Variants in EFNA5 observed in about 807,000 individuals in gnomAD.
EFNA5 encodes the protein ephrin-A5.
EFNA5 carries 5 observed loss-of-function variants against 22.9 expected under a neutral mutation model. The ratio of observed to expected loss-of-function variants is 0.22; its 90% CI spans 0.11 to 0.46. EFNA5 has a LOEUF of 0.46. Ranked by LOEUF, EFNA5 falls within the 20% of genes least tolerant of loss-of-function variation. The pLI is 0.99. For synonymous variants in EFNA5, 113 were observed against 112.2 expected (o/e 1.01, Z -0.04); for missense variants, 237 against 293.3 (o/e 0.81, Z 1.40).
At chr5:107,384,768 A>ATTTTTTTTTTTTTTTTTTTTTTTTT in intron 4 of EFNA5, among the ~76,000 whole-genome samples, 1 of 92,814 alleles carries the variant, frequency 1.1e-5, no homozygotes, top group Non-Finnish European at 2.2e-5. Context: ...CACACACCAC[A>ATTTTTTTTTTTTTTTTTTTTTTTTT]TTTTTTTTTT....
chr5:107,538,897 C>G (rs1382086417), intron 1 of EFNA5, among the ~76,000 whole-genome samples: 1 of 152,174 alleles, frequency 6.6e-6, no homozygotes, highest in Non-Finnish European at 1.5e-5. Flanking sequence ...CAGCTTTTCT[C>G]TTTTGTCAAG....
At chr5:107,627,038 A>T (rs1750157128) in intron 1 of EFNA5, among the ~76,000 whole-genome samples, 1 of 152,204 alleles carries the variant, frequency 6.6e-6, no homozygotes, top group African/African-American at 2.4e-5. Context: ...CTTAACAGGA[A>T]CTGTTCATTA....
chr5:107,492,856 G>T lies in EFNA5; in HGVS notation c.126-65347C>A, dbSNP rs543606328. 2.9e-3 allele frequency among the ~76,000 whole-genome samples: 441 copies of T among 152,174 alleles called. 2 individuals carry two copies. Among genetic ancestry groups the T allele is most frequent in the African/African-American group, 8.7e-3 (362 of 41,516 alleles). On this transcript the variant is annotated intron_variant, in intron 1 of 4. Coordinates refer to ENST00000333274, the MANE Select transcript of EFNA5 (RefSeq NM_001962.3). Reference sequence around the variant, plus strand: ...TCTACTAAAAATACAAAAATTAGCAGAGTGTGGTGGCGGGCACCTGTAATC... The same window carrying T: ...TCTACTAAAAATACAAAAATTAGCATAGTGTGGTGGCGGGCACCTGTAATC...
At chr5:107,580,737 AAAAG>A (rs1561439444) in intron 1 of EFNA5, among the ~76,000 whole-genome samples, 1 of 144,146 alleles carries the variant, frequency 6.9e-6, no homozygotes. Flanking sequence ...AAAAAAAAAA[AAAAG>A]AAAAGAAAAG....
chr5:107,662,564 T>C (rs1309284037), intron 1 of EFNA5, among the ~76,000 whole-genome samples: 1 of 152,114 alleles, frequency 6.6e-6, no homozygotes, highest in Non-Finnish European at 1.5e-5. Flanking sequence ...TCAGTTGATA[T>C]ACTCTCATAA....
intron 1 of EFNA5, among the ~76,000 whole-genome samples, chr5:107,605,800 A>G (rs906468352): frequency 6.6e-6 from 1 of 152,184 alleles, no homozygotes; most frequent in East Asian, 1.9e-4. Context: ...CTTCCCTTCA[A>G]TATTGTCCTC....
chr5:107,413,249 T>C (rs1047582630), intron 2 of EFNA5, among the ~76,000 whole-genome samples: 3 of 152,190 alleles, frequency 2.0e-5, no homozygotes, highest in Admixed American at 1.3e-4. Context: ...ACTTATTTTC[T>C]AAGAATCAGG....
At chr5:107,618,666 G>C (rs2112526753) in intron 1 of EFNA5, among the ~76,000 whole-genome samples, 1 of 152,262 alleles carries the variant, frequency 6.6e-6, no homozygotes, top group African/African-American at 2.4e-5. Flanking sequence ...ACTTTTGTCT[G>C]CTATTTTGGA....
intron 1 of EFNA5, among the ~76,000 whole-genome samples, chr5:107,430,397 T>A (rs1374328700): frequency 6.6e-6 from 1 of 152,062 alleles, no homozygotes; most frequent in African/African-American, 2.4e-5. Context: ...AAGGGGGAAG[T>A]TTTTTCTTTC....
rs1747407184 is a variant in EFNA5 at position 107,380,373 on chromosome 5, T to TAAAAAA, written c.*881_*882insTTTTTT. On this transcript the variant is annotated 3_prime_UTR_variant, in exon 5 of 5. Transcript: ENST00000333274. Reference sequence around the variant, plus strand: ...TCATAAAAATGCCTCTTTGAGTTTCTTAAAAAAAAAAAAAAAAAAAAAAAA... The same window carrying TAAAAAA: ...TCATAAAAATGCCTCTTTGAGTTTCTAAAAAATAAAAAAAAAAAAAAAAAAAAAAAA... 13 of 41,610 alleles carry TAAAAAA rather than the reference T, an allele frequency of 3.1e-4. 3 individuals are homozygous for TAAAAAA. Among genetic ancestry groups the TAAAAAA allele is most frequent in the East Asian group, 2.0e-3 (3 of 1,518 alleles). The allele number at this position is 41,610 out of a possible 1,614,324, so 2.6% of individuals were successfully genotyped here.
In EFNA5 at chr5:107,640,976, G is replaced by GTAGGCAGGTAGATAGA. The variant is rs1554070884; in HGVS notation, c.125+29512_125+29513insTCTATCTACCTGCCTA. Reference sequence around the variant, plus strand: ...ACCTGGTAGGTAGGTAGGTAGGCAGGTAGATAGATAGATAGATAGATAGAT... The same window carrying GTAGGCAGGTAGATAGA: ...ACCTGGTAGGTAGGTAGGTAGGCAGGTAGGCAGGTAGATAGATAGATAGATAGATAGATAGATAGAT... On this transcript the variant is annotated intron_variant, in intron 1 of 4. Coordinates refer to ENST00000333274, the MANE Select transcript of EFNA5 (RefSeq NM_001962.3). Among the ~76,000 whole-genome samples, 3 of 145,454 alleles carry GTAGGCAGGTAGATAGA rather than the reference G, an allele frequency of 2.1e-5. No homozygotes were observed. In the East Asian group the frequency reaches 6.1e-4, roughly 30 times the overall value.
rs959757648 is a variant in EFNA5, at chr5:107,602,331, C to T, written c.125+68158G>A. On this transcript the variant is annotated intron_variant, in intron 1 of 4. Transcript: ENST00000333274. Reference sequence around the variant, plus strand: ...GACAGAATTTGGGACTTCATTACCTCGAAACAGGCCTGTTAATGTATGTGG... The same window carrying T: ...GACAGAATTTGGGACTTCATTACCTTGAAACAGGCCTGTTAATGTATGTGG... Among the ~76,000 whole-genome samples the T allele has an allele frequency of 4.6e-5, 7 of 152,010 alleles. No homozygotes were observed. In the East Asian group the frequency reaches 5.8e-4, roughly 13 times the overall value.
At chr5:107,515,874 T>C (rs1328830991) in intron 1 of EFNA5, among the ~76,000 whole-genome samples, 1 of 152,182 alleles carries the variant, frequency 6.6e-6, no homozygotes, top group Non-Finnish European at 1.5e-5. Flanking sequence ...CTAAAAATCA[T>C]CCCAAAGCAG....
At chr5:107,399,318 C>CGGAAAGGAAGGGAAAGGAAA (rs1748020555) in intron 2 of EFNA5, among the ~76,000 whole-genome samples, 1 of 94,570 alleles carries the variant, frequency 1.1e-5, no homozygotes, top group Non-Finnish European at 2.1e-5. Context: ...AGGAAGGAAA[C>CGGAAAGGAAGGGAAAGGAAA]GGAAAGGAAA....
At chr5:107,471,894 C>A (rs548274455) in intron 1 of EFNA5, among the ~76,000 whole-genome samples, 11 of 152,254 alleles carry the variant, frequency 7.2e-5, no homozygotes, top group Non-Finnish European at 1.3e-4. Flanking sequence ...TGTAGTAGTT[C>A]TTACATGTAG....
At chr5:107,564,144 T>C (rs979148555) in intron 1 of EFNA5, among the ~76,000 whole-genome samples, 3 of 152,196 alleles carry the variant, frequency 2.0e-5, no homozygotes, top group Non-Finnish European at 4.4e-5. Flanking sequence ...AGGGACACTC[T>C]GCAGGCCTGT....
At chr5:107,619,654 G>A (rs1173802101) in intron 1 of EFNA5, among the ~76,000 whole-genome samples, 1 of 151,814 alleles carries the variant, frequency 6.6e-6, no homozygotes, top group African/African-American at 2.4e-5. Flanking sequence ...AGCAGAGACG[G>A]GGTTTCACTA....
At chr5:107,626,050 T>G (rs148436194) in intron 1 of EFNA5, among the ~76,000 whole-genome samples, 1 of 152,358 alleles carries the variant, frequency 6.6e-6, no homozygotes, top group Non-Finnish European at 1.5e-5. Flanking sequence ...TCATGACAGA[T>G]GATCACTCAC....
In EFNA5 at chr5:107,670,813, G is replaced by A; in HGVS notation, c.-200C>T. On this transcript the variant is annotated 5_prime_UTR_variant, in exon 1 of 5. Coordinates refer to ENST00000333274, the MANE Select transcript of EFNA5 (RefSeq NM_001962.3). ...AGGAGAGCGAGAAGAAAAGAAGGCG[G>A]TGGGATGGGGGGTGATAAAGACAAA... The A allele has an allele frequency of 1.5e-6, 1 of 655,918 alleles. No individual in the cohort carries two copies. The highest frequency in any genetic ancestry group is 2.5e-6 in the Non-Finnish European group (1 of 394,804). 40.6% of individuals were successfully genotyped at this position (655,918 alleles called of 1,614,324 possible).
Sources: allele counts gnomAD v4.1 joint callset (sites outside exome capture counted in the v4.1 genomes callset), GRCh38; gene constraint gnomAD v4.1.1; transcripts MANE v1.5; gene names NCBI Gene and HGNC (gene_info 2026-07-23, HGNC 2026-07-21).